Variants in CCT4 observed in about 807,000 individuals in gnomAD.
The protein encoded by CCT4 is chaperonin containing TCP1 subunit 4, also known as T-complex protein 1 subunit delta.
In CCT4, 17 loss-of-function variants were observed where a neutral mutation model predicts 62.5. The observed-to-expected ratio is 0.27, with a 90% CI of 0.19 to 0.41. The LOEUF (loss-of-function observed/expected upper bound fraction) is 0.41, where lower values mean the gene tolerates loss of function less well. Among genes scored for constraint, CCT4 ranks in the 10% least tolerant of loss-of-function variants. The probability of loss-of-function intolerance (pLI) is 1.00; values close to 1 mark genes in which losing one functional copy is unlikely to be tolerated. For synonymous variants in CCT4, 250 were observed against 229.9 expected (o/e 1.09, Z -0.79); for missense variants, 592 against 659.2 (o/e 0.90, Z 1.12).
chr2:61,888,322 A>C, intron 1 of CCT4, 59 bp downstream of exon 1: 1 of 1,571,770 alleles, frequency 6.4e-7, no homozygotes, highest in Non-Finnish European at 8.7e-7. Flanking sequence ...GCTCAAGCCC[A>C]CGATGAGAGC....
chr2:61,883,815 C>CACAA (rs57908155), intron 2 of CCT4, among the ~76,000 whole-genome samples: 3 of 142,286 alleles, frequency 2.1e-5, no homozygotes, highest in East Asian at 4.1e-4. Flanking sequence ...CACACACACA[C>CACAA]AAAAGGAAAA....
chr2:61,870,191 C>T (rs886553630), intron 12 of CCT4, among the ~76,000 whole-genome samples: 7 of 151,428 alleles, frequency 4.6e-5, no homozygotes, highest in African/African-American at 1.7e-4. Context: ...GCAGAAGAAT[C>T]GCTTGAACCC....
Position 61,868,153 on chromosome 2 carries a change from G to A in CCT4, c.*539C>T, listed in dbSNP as rs1301111289. On this transcript the variant is annotated 3_prime_UTR_variant, in exon 14 of 14. Transcript: ENST00000394440. Reference sequence around the variant, plus strand: ...ATGTATACACTTTTATTTGCAGAAGGAATCCAACACAGCAGTCATTATTAC... The same window carrying A: ...ATGTATACACTTTTATTTGCAGAAGAAATCCAACACAGCAGTCATTATTAC... 2 of 153,058 alleles carry A rather than the reference G, an allele frequency of 1.3e-5. No homozygotes were observed. The highest frequency in any genetic ancestry group is 2.9e-5 in the Non-Finnish European group (2 of 68,632). The allele number at this position is 153,058 out of a possible 1,614,324, so 9.5% of individuals were successfully genotyped here.
chr2:61,871,180 C>T (rs1042440127), intron 12 of CCT4, among the ~76,000 whole-genome samples: 6 of 151,820 alleles, frequency 4.0e-5, no homozygotes, highest in East Asian at 3.9e-4. Context: ...TACAGATATC[C>T]GCCACTTCGC....
chr2:61,876,800 T>C, intron 7 of CCT4, 120 bp downstream of exon 7: 9 of 803,424 alleles, frequency 1.1e-5, no homozygotes, highest in Non-Finnish European at 1.7e-5. Context: ...GTCTCAATTC[T>C]AGTAAGTCTT....
intron 1 of CCT4, chr2:61,885,750 G>A (rs1246493675): frequency 1.3e-5 from 2 of 152,094 alleles, no homozygotes; most frequent in East Asian, 3.9e-4. Context: ...TACATTTTGA[G>A]GATTCATCTC....
At chr2:61,883,781 C>CGT (rs1558508281) in intron 2 of CCT4, among the ~76,000 whole-genome samples, 21 of 96,436 alleles carry the variant, frequency 2.2e-4, no homozygotes, top group South Asian at 5.8e-4. Context: ...TAGACACACA[C>CGT]ACACACACAC....
intron 4 of CCT4, among the ~76,000 whole-genome samples, 189 bp from the exon 5 acceptor site, chr2:61,879,200 C>T (rs1187117036): frequency 1.3e-5 from 2 of 151,164 alleles, no homozygotes; most frequent in Admixed American, 1.3e-4. Context: ...TACTTCCATC[C>T]AACTTAAAAC....
rs530648839 is a variant in CCT4 at position 61,871,135 on chromosome 2, G to A, written c.1491+947C>T. Among the ~76,000 whole-genome samples the A allele has an allele frequency of 6.0e-4, 91 of 150,998 alleles. 1 individual carries two copies. The highest frequency in any genetic ancestry group is 2.1e-3 in the African/African-American group (86 of 41,118). ...CAACCTCTGCCTCCCCAGTTCAAGC[G>A]ATTCTCCTCCCTCAGCCTCCCGTGT... On this transcript the variant is annotated intron_variant, in intron 12 of 13. Transcript: ENST00000394440.
chr2:61,872,846 G>A (rs536813079), intron 10 of CCT4, among the ~76,000 whole-genome samples, 156 bp downstream of exon 10: 46 of 152,292 alleles, frequency 3.0e-4, no homozygotes, highest in African/African-American at 1.1e-3. Flanking sequence ...AGAATGGCAT[G>A]AACCCGGGAG....
At chr2:61,869,409 C>G (rs140629724) in intron 13 of CCT4, 31 bp downstream of exon 13, 1 of 1,243,768 alleles carries the variant, frequency 8.0e-7, no homozygotes, top group Non-Finnish European at 1.2e-6. Context: ...TTTTGACCTC[C>G]TAAGAAAATT....
At chr2:61,874,972 G>A (rs957813878) in intron 8 of CCT4, among the ~76,000 whole-genome samples, 4 of 151,870 alleles carry the variant, frequency 2.6e-5, no homozygotes, top group East Asian at 1.9e-4. Flanking sequence ...GAGAAACCCC[G>A]TCTCTACTAA....
rs376900144 is a variant in CCT4, at chr2:61,882,757, C to T, written c.270+702G>A. 7.2e-5 allele frequency among the ~76,000 whole-genome samples: 11 copies of T among 152,260 alleles called. 1 individual carries two copies. In the South Asian group the frequency reaches 1.7e-3, roughly 23 times the overall value. On this transcript the variant is annotated intron_variant, in intron 3 of 13. Transcript: ENST00000394440. ...AACTCCTGAGCTCAAGCAATCCTCCCACCTTGGCCTCCCAAAGTGCCGGGA... is the reference window on the plus strand; with the variant it reads ...AACTCCTGAGCTCAAGCAATCCTCCTACCTTGGCCTCCCAAAGTGCCGGGA...
intron 12 of CCT4, among the ~76,000 whole-genome samples, chr2:61,870,553 A>T (rs1668862134): frequency 6.6e-6 from 1 of 151,694 alleles, no homozygotes; most frequent in Non-Finnish European, 1.5e-5. Context: ...ATTACTCCTG[A>T]TGGCCTCTAA....
In CCT4 at chr2:61,876,245, A is replaced by G; in HGVS notation, c.778-11T>C. The G allele has an allele frequency of 6.4e-7, 1 of 1,571,054 alleles. No homozygotes were observed. ...TATTTGATTATCCATCTGTTCAGAAAAAGAACATCATAATTTGCATTGTAA... is the reference window on the plus strand; with the variant it reads ...TATTTGATTATCCATCTGTTCAGAAGAAGAACATCATAATTTGCATTGTAA... On this transcript the variant is annotated splice_polypyrimidine_tract_variant and intron_variant, in intron 7 of 13. Coordinates refer to ENST00000394440, the MANE Select transcript of CCT4 (RefSeq NM_006430.4).
chr2:61,886,409 C>G (rs772207441), intron 1 of CCT4, among the ~76,000 whole-genome samples: 2 of 152,294 alleles, frequency 1.3e-5, no homozygotes, highest in Admixed American at 1.3e-4. Context: ...AAGACAGACT[C>G]CATCTCAACA....
At position 61,880,215 on chromosome 2, in the gene CCT4, A is replaced by G. The variant is rs562518163; in HGVS notation, c.379+71T>C. The stretch of plus-strand genomic sequence containing the variant: ...ATCTTCAATCCCATATTACTTATGA[A>G]TAACTTGGCTTTTCCTAAAGTTTGT... On this transcript the variant is annotated intron_variant, in intron 4 of 13. Transcript: ENST00000394440. The G allele has an allele frequency of 3.2e-5, 22 of 685,092 alleles. No homozygotes were observed. The South Asian group carries it at 3.9e-4, about 12-fold the overall frequency. The allele number at this position is 685,092 out of a possible 1,614,324, so 42.4% of individuals were successfully genotyped here.
Position 61,868,420 on chromosome 2 carries a change from C to T in CCT4, c.*272G>A, listed in dbSNP as rs1668819346. Reference sequence around the variant, plus strand: ...GCCATTTTTTTCCTCAACATGTAAACTCACTTTTTACGCTTCTTTTATTAG... The same window carrying T: ...GCCATTTTTTTCCTCAACATGTAAATTCACTTTTTACGCTTCTTTTATTAG... On this transcript the variant is annotated 3_prime_UTR_variant, in exon 14 of 14. Transcript: ENST00000394440. 7.4e-6 allele frequency: 3 copies of T among 406,624 alleles called. No homozygotes were observed. The highest frequency in any genetic ancestry group is 8.9e-6 in the Non-Finnish European group (2 of 225,078). 25.2% of individuals were successfully genotyped at this position (406,624 alleles called of 1,614,324 possible).
chr2:61,868,832 A>G, intron 13 of CCT4, 126 bp from the exon 14 acceptor site: 2 of 725,884 alleles, frequency 2.8e-6, no homozygotes, highest in East Asian at 2.6e-5. Flanking sequence ...TGACTAGCAA[A>G]TATTTATCAA....
Sources: allele counts gnomAD v4.1 joint callset (sites outside exome capture counted in the v4.1 genomes callset), GRCh38; gene constraint gnomAD v4.1.1; transcripts MANE v1.5; gene names NCBI Gene and HGNC (gene_info 2026-07-23, HGNC 2026-07-21).